AFDN: variants seen among roughly 807,000 people sequenced by gnomAD.
The protein encoded by AFDN is afadin.
A neutral mutation model predicts 216.6 loss-of-function variants in AFDN; 68 were observed. That is an observed-to-expected ratio of 0.31 (90% confidence interval 0.26 to 0.38). The LOEUF (loss-of-function observed/expected upper bound fraction) is 0.38. AFDN is among the 10% of genes least tolerant of loss of function. The pLI is 1.00. For synonymous variants in AFDN, 868 were observed against 853.7 expected (o/e 1.02, Z -0.29); for missense variants, 2,136 against 2,342.0 (o/e 0.91, Z 1.82).
Position 167,965,969 on chromosome 6 carries a change from C to CT in AFDN, c.5182dup (p.Ser1728PhefsTer15), listed in dbSNP as rs1401084003. 3 of 1,551,020 alleles carry CT rather than the reference C, an allele frequency of 1.9e-6. No individual in the cohort carries two copies. The highest frequency in any genetic ancestry group is 1.4e-5 in the African/African-American group (1 of 73,134). On this transcript the variant is annotated frameshift_variant, in exon 32 of 34. Coordinates refer to ENST00000683244, the MANE Select transcript of AFDN (RefSeq NM_001386888.1). LOFTEE classifies it high-confidence loss of function. ...CCTCCTACCTCAAAACACAGGTCCT[C>CT]TCCCCCGACTCGCTGTTCACTGCCA...
intron 26 of AFDN, among the ~76,000 whole-genome samples, chr6:167,944,964 A>T (rs1795098919): frequency 6.6e-6 from 1 of 152,070 alleles, no homozygotes; most frequent in South Asian, 2.1e-4. Context: ...CTTAAGCTAC[A>T]CTAAATTTAC....
chr6:167,933,907 G>A (rs1046361832), intron 23 of AFDN, among the ~76,000 whole-genome samples: 1 of 152,148 alleles, frequency 6.6e-6, no homozygotes. Context: ...GGTTCACACT[G>A]CCCCAGGCTT....
chr6:167,842,250 C>T (rs936458659), intron 1 of AFDN, among the ~76,000 whole-genome samples: 3 of 151,136 alleles, frequency 2.0e-5, no homozygotes. Context: ...ATTTACCACC[C>T]TTTTTTTTTC....
intron 7 of AFDN, among the ~76,000 whole-genome samples, chr6:167,890,479 G>A (rs1465145826): frequency 6.6e-6 from 1 of 152,010 alleles, no homozygotes; most frequent in Non-Finnish European, 1.5e-5. Context: ...CACCCTAAAA[G>A]TACATTTTTA....
chr6:167,836,355 C>T (rs537201436), intron 1 of AFDN, among the ~76,000 whole-genome samples: 1 of 152,322 alleles, frequency 6.6e-6, no homozygotes, highest in South Asian at 2.1e-4. Flanking sequence ...AATATAAACT[C>T]TTGAGTTAGC....
intron 23 of AFDN, among the ~76,000 whole-genome samples, chr6:167,930,826 G>A (rs977372757): frequency 6.6e-6 from 1 of 152,160 alleles, no homozygotes; most frequent in Non-Finnish European, 1.5e-5. Context: ...TTTATTATAG[G>A]TGAAATAAGG....
chr6:167,869,826 C>T (rs1020365328), intron 2 of AFDN, among the ~76,000 whole-genome samples: 2 of 152,046 alleles, frequency 1.3e-5, no homozygotes, highest in Non-Finnish European at 2.9e-5. Flanking sequence ...GTGATGGTAA[C>T]TTTATGGTGG....
At chr6:167,835,938 G>A (rs1202902956) in intron 1 of AFDN, among the ~76,000 whole-genome samples, 1 of 152,132 alleles carries the variant, frequency 6.6e-6, no homozygotes, top group Admixed American at 6.5e-5. Context: ...TTCCAAGTAA[G>A]GCTATAATAT....
rs182827605 is a variant in AFDN, at chr6:167,934,941, G to A, written c.3100-8188G>A. ...CTTTTCCTTGTTGCCATTTCTCATC[G>A]GATGTACAAAGCAACTTATAGGTGC... On this transcript the variant is annotated intron_variant, in intron 23 of 33. Coordinates refer to ENST00000683244, the MANE Select transcript of AFDN (RefSeq NM_001386888.1). Among the ~76,000 whole-genome samples the A allele has an allele frequency of 2.0e-4, 30 of 147,870 alleles. 1 individual carries two copies. In the East Asian group the frequency reaches 4.4e-3, roughly 22 times the overall value.
chr6:167,872,076 C>G, intron 3 of AFDN, 138 bp from the exon 4 acceptor site: 2 of 762,686 alleles, frequency 2.6e-6, no homozygotes, highest in Non-Finnish European at 4.3e-6. Flanking sequence ...AGACCATTCT[C>G]ATTACTCCAG....
At chr6:167,925,574 G>A (rs1335243178) in intron 23 of AFDN, among the ~76,000 whole-genome samples, 1 of 152,148 alleles carries the variant, frequency 6.6e-6, no homozygotes, top group Non-Finnish European at 1.5e-5. Flanking sequence ...CAGTAAGTCT[G>A]GTGTGGAGCT....
Position 167,917,086 on chromosome 6 carries a change from T to C in AFDN, c.2566-3T>C. 6.2e-7 allele frequency: 1 copy of C among 1,611,942 alleles called. No individual in the cohort carries two copies. Among genetic ancestry groups the C allele is most frequent in the Non-Finnish European group, 8.5e-7 (1 of 1,179,088 alleles). On this transcript the variant is annotated splice_region_variant and splice_polypyrimidine_tract_variant and intron_variant, in intron 19 of 33. Transcript: ENST00000683244. ...ATTTTATGTCCTTTATTCTTTTACA[T>C]AGGCAACGACTTTGCTTACCATGGA...
chr6:167,965,063 G>A, intron 31 of AFDN: 1 of 1,035,486 alleles, frequency 9.7e-7, no homozygotes, highest in Non-Finnish European at 1.2e-6. Flanking sequence ...TTTTCTGTCT[G>A]TTAGGGAGTT....
At chr6:167,892,984 G>A (rs1320871191) in intron 8 of AFDN, among the ~76,000 whole-genome samples, 1 of 152,150 alleles carries the variant, frequency 6.6e-6, no homozygotes, top group Non-Finnish European at 1.5e-5. Context: ...GATACAAAAG[G>A]ATTAAGTTCC....
chr6:167,910,528 G>A (rs111481628), intron 13 of AFDN, among the ~76,000 whole-genome samples: 18 of 152,308 alleles, frequency 1.2e-4, no homozygotes, highest in Admixed American at 2.0e-4. Flanking sequence ...TTATGTGACC[G>A]TAAGAAGAAA....
In AFDN at chr6:167,870,366, C is replaced by A. The variant is rs780236343; in HGVS notation, c.302-20C>A. 5.1e-5 allele frequency: 74 copies of A among 1,458,122 alleles called. No individual in the cohort carries two copies. Among genetic ancestry groups the A allele is most frequent in the Non-Finnish European group, 6.6e-5 (70 of 1,057,478 alleles). The allele number at this position is 1,458,122 out of a possible 1,614,324, so 90.3% of individuals were successfully genotyped here. On this transcript the variant is annotated intron_variant, in intron 2 of 33. Transcript: ENST00000683244. ...AATAACCATAGCTTATTCTTTTTTT[C>A]ATTTCATGTTTTGAAGAAGAAAGAA...
intron 1 of AFDN, 61 bp downstream of exon 1, chr6:167,827,298 T>TCCCCCCCG: frequency 2.1e-5 from 12 of 583,986 alleles, no homozygotes; most frequent in Non-Finnish European, 2.3e-5. Context: ...GCCCCGCCCC[T>TCCCCCCCG]CCCCCCCGCC....
chr6:167,897,264 A>G (rs1378797926), intron 10 of AFDN, among the ~76,000 whole-genome samples: 2 of 152,160 alleles, frequency 1.3e-5, no homozygotes, highest in Admixed American at 1.3e-4. Context: ...CTATTTCAGG[A>G]TTACAGGATA....
At chr6:167,844,441 TA>T (rs1450330781) in intron 1 of AFDN, among the ~76,000 whole-genome samples, 1 of 152,234 alleles carries the variant, frequency 6.6e-6, no homozygotes, top group Non-Finnish European at 1.5e-5. Flanking sequence ...AAAGTATGTA[TA>T]AATATAATTA....
Sources: allele counts gnomAD v4.1 joint callset (sites outside exome capture counted in the v4.1 genomes callset), GRCh38; gene constraint gnomAD v4.1.1; transcripts MANE v1.5; gene names NCBI Gene and HGNC (gene_info 2026-07-23, HGNC 2026-07-21).